The following TPTE variants were observed in gnomAD, a reference collection of about 807,000 sequenced individuals.
The protein encoded by TPTE is transmembrane phosphatase with tensin homology.
TPTE carries 59 observed loss-of-function variants against 84.1 expected under a neutral mutation model. The observed-to-expected ratio is 0.70, with a 90% confidence interval of 0.57 to 0.87. TPTE has a LOEUF of 0.87. Among genes scored for constraint, TPTE ranks in the 40% least tolerant of loss-of-function variants. The probability of loss-of-function intolerance (pLI) is 0.00; values close to 1 mark genes in which losing one functional copy is unlikely to be tolerated. For missense variants in TPTE, 382 were observed against 659.6 expected (o/e 0.58, Z 4.61); for synonymous variants, 130 against 223.5 (o/e 0.58, Z 3.73).
In TPTE at chr21:10,577,576, TAAG is replaced by T. The variant is rs1427202665; in HGVS notation, c.856+61_856+63del. 17 of 1,611,816 alleles carry T rather than the reference TAAG, an allele frequency of 1.1e-5. No homozygotes were observed. In the African/African-American group the frequency reaches 1.1e-4, roughly 10 times the overall value. On this transcript the variant is annotated intron_variant, in intron 15 of 23. Transcript: ENST00000618007. ...TAGATAGAAAACAGATTACTGCACG[TAAG>T]AAGATGATTTTGTTTTTTAGATTGC...
At chr21:10,581,685 T>C (rs58005675) in intron 17 of TPTE, among the ~76,000 whole-genome samples, 5,193 of 139,362 alleles carry the variant, frequency 0.037, no homozygotes, top group East Asian at 0.11. Context: ...TCCCCACATG[T>C]TGCCTTTTAA....
intron 23 of TPTE, among the ~76,000 whole-genome samples, chr21:10,604,628 A>C: frequency 6.6e-6 from 1 of 152,424 alleles, no homozygotes; most frequent in Non-Finnish European, 1.5e-5. Context: ...TTTTGGATGC[A>C]TACAAACAAT....
chr21:10,573,635 G>C (rs2075090029), intron 14 of TPTE, among the ~76,000 whole-genome samples: 1 of 152,310 alleles, frequency 6.6e-6, no homozygotes. Context: ...ATCCTGATTT[G>C]ATCATTACAC....
At chr21:10,545,432 T>C (rs539804059) in intron 7 of TPTE, among the ~76,000 whole-genome samples, 6 of 152,300 alleles carry the variant, frequency 3.9e-5, no homozygotes, top group Non-Finnish European at 8.8e-5. Flanking sequence ...AGAGCAAATG[T>C]ACATAATTTC....
At chr21:10,522,314 G>T (rs985518574) in intron 1 of TPTE, among the ~76,000 whole-genome samples, 4 of 152,296 alleles carry the variant, frequency 2.6e-5, no homozygotes, top group Non-Finnish European at 4.4e-5. Flanking sequence ...GAAGGGCTTG[G>T]GGTGCGGGGT....
At chr21:10,547,886 G>A (rs1238909096) in intron 7 of TPTE, among the ~76,000 whole-genome samples, 4 of 152,306 alleles carry the variant, frequency 2.6e-5, no homozygotes, top group Non-Finnish European at 4.4e-5. Context: ...TCACTCTTAA[G>A]ACAGCCAAAC....
chr21:10,581,986 C>A (rs570046173), intron 17 of TPTE, among the ~76,000 whole-genome samples: 1 of 152,424 alleles, frequency 6.6e-6, no homozygotes, highest in East Asian at 1.9e-4. Context: ...CCACCCACCT[C>A]AGCTTCCCAA....
At chr21:10,523,927 G>A (rs1404128680) in intron 1 of TPTE, among the ~76,000 whole-genome samples, 2 of 152,424 alleles carry the variant, frequency 1.3e-5, no homozygotes, top group African/African-American at 2.4e-5. Context: ...GTGTAAAAGT[G>A]TTCCTATTTC....
At chr21:10,594,695 G>A (rs867399252) in intron 19 of TPTE, among the ~76,000 whole-genome samples, 630 of 150,354 alleles carry the variant, frequency 4.2e-3, no homozygotes, top group African/African-American at 0.014. Context: ...GTCGTGCATA[G>A]TTTCCCTAAC....
At chr21:10,547,033 G>T (rs1184865020) in intron 7 of TPTE, among the ~76,000 whole-genome samples, 7 of 152,308 alleles carry the variant, frequency 4.6e-5, no homozygotes, top group African/African-American at 1.7e-4. Flanking sequence ...TATATTTAGA[G>T]AGGAGAAGTC....
chr21:10,524,178 G>A (rs887569942), intron 1 of TPTE, among the ~76,000 whole-genome samples: 1 of 152,310 alleles, frequency 6.6e-6, no homozygotes, highest in Non-Finnish European at 1.5e-5. Context: ...GAGCAAGGGA[G>A]TCCCATCCCA....
At chr21:10,554,513 T>G (rs1319912954) in intron 8 of TPTE, among the ~76,000 whole-genome samples, 4 of 152,308 alleles carry the variant, frequency 2.6e-5, no homozygotes. Context: ...TGCATGTTCT[T>G]TGACACACCT....
chr21:10,604,908 A>C (rs1421818731), intron 23 of TPTE, among the ~76,000 whole-genome samples: 1 of 152,310 alleles, frequency 6.6e-6, no homozygotes, highest in Non-Finnish European at 1.5e-5. Flanking sequence ...TAAAAATGCT[A>C]ACTTCTATCA....
chr21:10,588,504 T>C (rs1230222827), intron 17 of TPTE, among the ~76,000 whole-genome samples: 2 of 152,304 alleles, frequency 1.3e-5, no homozygotes, highest in African/African-American at 4.8e-5. Flanking sequence ...ATGTTCATTT[T>C]TTATAGTATC....
intron 10 of TPTE, among the ~76,000 whole-genome samples, chr21:10,566,229 TG>T (rs1175375721): frequency 6.6e-6 from 1 of 152,420 alleles, no homozygotes; most frequent in Admixed American, 6.5e-5. Flanking sequence ...AATATACAGA[TG>T]GTAAACAGGC....
chr21:10,573,653 A>G (rs1462708048), intron 14 of TPTE, among the ~76,000 whole-genome samples: 2 of 152,430 alleles, frequency 1.3e-5, no homozygotes, highest in East Asian at 1.9e-4. Flanking sequence ...CACATTGTAT[A>G]CAAGTATTGA....
chr21:10,602,392 A>T (rs556625043), intron 22 of TPTE, among the ~76,000 whole-genome samples: 18 of 152,382 alleles, frequency 1.2e-4, no homozygotes, highest in African/African-American at 4.1e-4. Flanking sequence ...AAATACAAAA[A>T]ATACAAAATA....
At chr21:10,587,250 T>A (rs1252143266) in intron 17 of TPTE, among the ~76,000 whole-genome samples, 1 of 152,310 alleles carries the variant, frequency 6.6e-6, no homozygotes, top group African/African-American at 2.4e-5. Flanking sequence ...GATTTGGAAG[T>A]GCATATACAG....
chr21:10,573,696 G>T (rs2075091575), intron 14 of TPTE, among the ~76,000 whole-genome samples: 1 of 152,306 alleles, frequency 6.6e-6, no homozygotes, highest in South Asian at 2.1e-4. Flanking sequence ...ATATGAACAA[G>T]TATTATGTGT....
Sources: allele counts gnomAD v4.1 joint callset (sites outside exome capture counted in the v4.1 genomes callset), GRCh38; gene constraint gnomAD v4.1.1; transcripts MANE v1.5; gene names NCBI Gene and HGNC (gene_info 2026-07-23, HGNC 2026-07-21).